ZNF157: variants seen among roughly 807,000 people sequenced by gnomAD.
ZNF157 encodes the protein zinc finger protein 22.
A neutral mutation model predicts 9.4 loss-of-function variants in ZNF157; 8 were observed. That is an observed-to-expected ratio of 0.85 (90% CI 0.50 to 1.53). The LOEUF (loss-of-function observed/expected upper bound fraction) is 1.53. Among genes scored for constraint, ZNF157 ranks in the 40% most tolerant of loss-of-function variants. The pLI is 0.00. For synonymous variants in ZNF157, 120 were observed against 130.8 expected (o/e 0.92, Z 0.56); for missense variants, 316 against 385.2 (o/e 0.82, Z 1.50).
At chrX:47,376,091 T>C (rs1024260291) in intron 1 of ZNF157, among the ~76,000 whole-genome samples, 2 of 111,989 alleles carry the variant, frequency 1.8e-5, no homozygotes, top group African/African-American at 6.5e-5. Context: ...GTATTTAAGG[T>C]TCCTCCATGT....
intron 3 of ZNF157, 117 bp from the exon 4 acceptor site, chrX:47,412,252 C>T: frequency 1.1e-5 from 7 of 648,237 alleles, no homozygotes; most frequent in Non-Finnish European, 1.4e-5. Flanking sequence ...AGCCACTGTG[C>T]CTGGCTGGAA....
intron 1 of ZNF157, among the ~76,000 whole-genome samples, chrX:47,377,399 G>A (rs757707225): frequency 9.0e-6 from 1 of 111,081 alleles, no homozygotes; most frequent in East Asian, 2.8e-4. Context: ...CTGGGTAACA[G>A]GCAAGGTGAA....
chrX:47,404,080 G>C (rs1446814775), intron 1 of ZNF157, among the ~76,000 whole-genome samples: 4 of 110,757 alleles, frequency 3.6e-5, no homozygotes, highest in Non-Finnish European at 7.6e-5. Context: ...TGAGGCATGA[G>C]AATTGCTTGA....
At chrX:47,373,705 GTTT>G (rs772657775) in intron 1 of ZNF157, among the ~76,000 whole-genome samples, 6 of 94,384 alleles carry the variant, frequency 6.4e-5, no homozygotes, top group South Asian at 4.9e-4. Flanking sequence ...ATTTCCCTGA[GTTT>G]TTTTTTTTTT....
chrX:47,412,738 A>T lies in ZNF157; in HGVS notation c.665A>T (p.Glu222Val), dbSNP rs755668979. The change falls in exon 4 of 4, where the codon GAA (glutamate) becomes GTA (valine). Residue 222 changes from glutamate (E) to valine (V), a missense_variant. By Grantham distance (121) the Glu-to-Val change is moderately radical. Coordinates refer to ENST00000377073, the MANE Select transcript of ZNF157 (RefSeq NM_003446.4). ...GGGGAGAGGCCCTTTGAATGTAATG[A>T]ATGTGGGAAATCTTTTGGCAGGAAG... ...HTGERPFECN[E>V]CGKSFGRKSQ... The T allele has an allele frequency of 6.6e-6, 8 of 1,210,119 alleles. No homozygotes were observed. The highest frequency in any genetic ancestry group is 2.3e-4 in the Middle Eastern group (1 of 4,374).
At chrX:47,400,758 C>A (rs925282322) in intron 1 of ZNF157, among the ~76,000 whole-genome samples, 1 of 111,659 alleles carries the variant, frequency 9.0e-6, no homozygotes. Flanking sequence ...TAGGCTCAGG[C>A]GATCCTCCCG....
intron 1 of ZNF157, among the ~76,000 whole-genome samples, chrX:47,386,849 C>T (rs918275843): frequency 6.3e-5 from 7 of 111,140 alleles, no homozygotes; most frequent in Admixed American, 2.9e-4. Context: ...TAAATAAATA[C>T]GTATTAGAAT....
In ZNF157 at chrX:47,410,955, TCA is replaced by T. The variant is rs770007117; in HGVS notation, c.295+184_295+185del. Among the ~76,000 whole-genome samples the T allele has an allele frequency of 2.0e-4, 22 of 110,852 alleles. No homozygotes were observed. In the South Asian group the frequency reaches 8.4e-3, roughly 42 times the overall value. ...GATACCAAAGTCACACATCTTAATA[TCA>T]CACTCAAACTTCAGTGCTTTCTCCG... On this transcript the variant is annotated intron_variant, in intron 3 of 3. Transcript: ENST00000377073.
chrX:47,380,707 C>T (rs759903368), intron 1 of ZNF157, among the ~76,000 whole-genome samples: 5 of 110,731 alleles, frequency 4.5e-5, no homozygotes, highest in East Asian at 5.6e-4. Context: ...CTTTCCCTGG[C>T]GCCAGCTGCA....
intron 1 of ZNF157, among the ~76,000 whole-genome samples, chrX:47,386,211 C>T (rs1471724749): frequency 1.8e-5 from 2 of 111,222 alleles, no homozygotes; most frequent in South Asian, 7.6e-4. Context: ...ACAGAGAGAT[C>T]GTATGTGCGC....
intron 1 of ZNF157, among the ~76,000 whole-genome samples, chrX:47,386,783 G>T (rs149153517): frequency 0.033 from 3,689 of 110,983 alleles, 161 homozygotes; most frequent in African/African-American, 0.11. Context: ...TTATTTATTT[G>T]TTATTTATTT....
At chrX:47,373,135 G>T (rs1211487844) in intron 1 of ZNF157, among the ~76,000 whole-genome samples, 1 of 110,123 alleles carries the variant, frequency 9.1e-6, no homozygotes, top group Non-Finnish European at 1.9e-5. Context: ...TGAGGCGGAG[G>T]TTGCAGTGAG....
intron 3 of ZNF157, among the ~76,000 whole-genome samples, chrX:47,412,046 C>T (rs2055966752): frequency 8.9e-6 from 1 of 111,741 alleles, no homozygotes; most frequent in Admixed American, 9.6e-5. Flanking sequence ...GTAACCTCCA[C>T]CTCCTGGGTT....
chrX:47,388,730 G>A (rs910672355), intron 1 of ZNF157: 10 of 156,514 alleles, frequency 6.4e-5, no homozygotes, highest in African/African-American at 1.9e-4. Flanking sequence ...TCATTGTGAC[G>A]GGGGGCACAA....
intron 1 of ZNF157, among the ~76,000 whole-genome samples, chrX:47,398,794 G>A (rs1351964564): frequency 8.9e-6 from 1 of 111,907 alleles, no homozygotes; most frequent in Non-Finnish European, 1.9e-5. Flanking sequence ...CGATTCTTCT[G>A]CCTCAGCCTC....
At chrX:47,371,755 G>A (rs1456585321) in intron 1 of ZNF157, among the ~76,000 whole-genome samples, 1 of 110,826 alleles carries the variant, frequency 9.0e-6, no homozygotes, top group Non-Finnish European at 1.9e-5. Flanking sequence ...TTACAAGTGC[G>A]TGCCACCACA....
intron 1 of ZNF157, among the ~76,000 whole-genome samples, chrX:47,386,143 A>G (rs1415944281): frequency 8.9e-6 from 1 of 111,811 alleles, no homozygotes; most frequent in Non-Finnish European, 1.9e-5. Flanking sequence ...ATGCATTTTT[A>G]AAAATTAAAC....
intron 1 of ZNF157, among the ~76,000 whole-genome samples, chrX:47,399,175 A>G (rs745512604): frequency 4.5e-5 from 5 of 111,589 alleles, no homozygotes; most frequent in African/African-American, 9.8e-5. Context: ...GCTGGCAACA[A>G]TATTGGTCTA....
intron 1 of ZNF157, among the ~76,000 whole-genome samples, chrX:47,376,263 A>G (rs2055844562): frequency 1.8e-5 from 2 of 112,286 alleles, no homozygotes; most frequent in Admixed American, 1.9e-4. Context: ...TTTGAACTCA[A>G]TTGGCTAAAT....
Sources: gnomAD v4.1 joint callset for allele counts (sites outside exome capture counted in the v4.1 genomes callset) on GRCh38, gnomAD v4.1.1 for gene constraint, MANE v1.5 for transcripts, NCBI Gene and HGNC (gene_info 2026-07-23, HGNC 2026-07-21) for gene names.